DGKG: variants seen among roughly 807,000 people sequenced by gnomAD.
The protein encoded by DGKG is diacylglycerol kinase gamma.
A neutral mutation model predicts 105.3 loss-of-function variants in DGKG; 78 were observed. The observed-to-expected ratio is 0.74, with a 90% CI of 0.62 to 0.89. The LOEUF (loss-of-function observed/expected upper bound fraction) is 0.89. DGKG is among the 40% of genes least tolerant of loss of function. DGKG has a pLI of 0.00. For synonymous variants in DGKG, 346 were observed against 367.1 expected, an observed-to-expected ratio of 0.94 and a Z score of 0.66; for missense variants, 958 against 1,020.1, an observed-to-expected ratio of 0.94 and a Z score of 0.83.
intron 20 of DGKG, among the ~76,000 whole-genome samples, chr3:186,222,355 G>A (rs192055729): frequency 3.3e-5 from 5 of 152,302 alleles, no homozygotes; most frequent in Admixed American, 6.5e-5. Context: ...ACAATGTCTC[G>A]TTTTAGAGAG....
At chr3:186,341,712 C>A (rs1726095722) in intron 1 of DGKG, among the ~76,000 whole-genome samples, 1 of 152,122 alleles carries the variant, frequency 6.6e-6, no homozygotes, top group South Asian at 2.1e-4. Context: ...AAGACACATG[C>A]ACACGTATGT....
At chr3:186,330,075 T>C (rs1281457165) in intron 1 of DGKG, among the ~76,000 whole-genome samples, 1 of 152,172 alleles carries the variant, frequency 6.6e-6, no homozygotes, top group Non-Finnish European at 1.5e-5. Flanking sequence ...TACATGTCCC[T>C]ATAGAGGAGG....
chr3:186,285,123 G>A (rs934802777), intron 6 of DGKG, among the ~76,000 whole-genome samples: 2 of 152,142 alleles, frequency 1.3e-5, no homozygotes, highest in African/African-American at 4.8e-5. Context: ...TGCCACTTCT[G>A]GGGGGTGCCC....
chr3:186,229,986 G>A (rs1014052292), intron 20 of DGKG, among the ~76,000 whole-genome samples: 1 of 152,190 alleles, frequency 6.6e-6, no homozygotes, highest in Non-Finnish European at 1.5e-5. Context: ...TGGGCTGGGC[G>A]CGGTGGCTCA....
At position 186,202,400 on chromosome 3, in the gene DGKG, C is replaced by T. The variant is rs577846182; in HGVS notation, c.1917+9395G>A. Reference sequence around the variant, plus strand: ...AAAACAAAGACATATCCACTATAGCCAACAAGACATATTTGTATATAATAT... The same window carrying T: ...AAAACAAAGACATATCCACTATAGCTAACAAGACATATTTGTATATAATAT... On this transcript the variant is annotated intron_variant, in intron 21 of 24. Transcript: ENST00000265022. Among the ~76,000 whole-genome samples the T allele has an allele frequency of 3.3e-4, 50 of 152,242 alleles. No individual in the cohort carries two copies. The Middle Eastern group carries it at 0.017, about 52-fold the overall frequency.
In DGKG at chr3:186,279,683, C is replaced by T. The variant is rs1578768856; in HGVS notation, c.792+168G>A. 6.1e-5 allele frequency: 37 copies of T among 605,858 alleles called. 1 individual carries two copies. The South Asian group carries it at 8.1e-4, about 13-fold the overall frequency. 37.5% of individuals were successfully genotyped at this position (605,858 alleles called of 1,614,324 possible). On this transcript the variant is annotated intron_variant, in intron 9 of 24. Transcript: ENST00000265022. ...AAATGTCTGTCAAATGAATATACTT[C>T]AGGCACTAATGGATACAAAATAATG...
intron 14 of DGKG, among the ~76,000 whole-genome samples, chr3:186,264,912 C>G (rs960259800): frequency 7.9e-5 from 12 of 152,190 alleles, no homozygotes; most frequent in Non-Finnish European, 1.5e-4. Context: ...GCTTGGCAAT[C>G]TTGAAAAACC....
At chr3:186,301,378 A>T (rs761116426) in intron 3 of DGKG, among the ~76,000 whole-genome samples, 1 of 152,236 alleles carries the variant, frequency 6.6e-6, no homozygotes, top group Non-Finnish European at 1.5e-5. Flanking sequence ...CTGTAATCCC[A>T]GCTCTTTGGG....
chr3:186,357,022 T>G (rs1726998831), intron 1 of DGKG, among the ~76,000 whole-genome samples: 3 of 152,160 alleles, frequency 2.0e-5, no homozygotes, highest in African/African-American at 7.2e-5. Flanking sequence ...CCTGGGCCTC[T>G]GGGAGTGTCC....
chr3:186,299,801 C>CT (rs1157192721), intron 3 of DGKG, among the ~76,000 whole-genome samples: 1 of 92,504 alleles, frequency 1.1e-5, no homozygotes, highest in East Asian at 2.5e-4. Context: ...TTCTTTCTTT[C>CT]TTTCTTTCTT....
In DGKG at chr3:186,161,816, T is replaced by A. The variant is rs80016895; in HGVS notation, c.2217-153A>T. The stretch of plus-strand genomic sequence containing the variant: ...TTTGGAGAACTTGTTAAAAATAGAT[T>A]TCTGAGACCACCTCAGGGAGTCTAA... On this transcript the variant is annotated intron_variant, in intron 23 of 24. Coordinates refer to ENST00000265022, the MANE Select transcript of DGKG (RefSeq NM_001346.3). Among the ~76,000 whole-genome samples the A allele has an allele frequency of 2.1e-3, 316 of 152,310 alleles. 1 individual carries two copies. Among genetic ancestry groups the A allele is most frequent in the African/African-American group, 7.3e-3 (302 of 41,574 alleles).
At chr3:186,328,270 A>G (rs1725441302) in intron 1 of DGKG, among the ~76,000 whole-genome samples, 1 of 152,158 alleles carries the variant, frequency 6.6e-6, no homozygotes, top group Non-Finnish European at 1.5e-5. Flanking sequence ...GTATTTCTCT[A>G]TTGCGGTGGT....
intron 1 of DGKG, among the ~76,000 whole-genome samples, chr3:186,356,002 CG>C (rs1362196902): frequency 1.3e-5 from 2 of 151,966 alleles, no homozygotes; most frequent in African/African-American, 4.8e-5. Context: ...GATTATTGGA[CG>C]GAAGATCAAG....
chr3:186,327,025 A>G (rs962979539), intron 1 of DGKG, among the ~76,000 whole-genome samples: 9 of 152,080 alleles, frequency 5.9e-5, no homozygotes, highest in African/African-American at 2.2e-4. Context: ...TTCACCAGGC[A>G]TGGTGGTGTG....
chr3:186,316,205 A>T (rs4686763), intron 2 of DGKG, among the ~76,000 whole-genome samples: 151,760 of 152,312 alleles, frequency 1, 75,608 homozygotes, highest in Middle Eastern at 1. Flanking sequence ...TCTGCCCAGG[A>T]TCCTGACCCA....
At chr3:186,342,882 A>T (rs1261895450) in intron 1 of DGKG, among the ~76,000 whole-genome samples, 2 of 152,224 alleles carry the variant, frequency 1.3e-5, no homozygotes, top group Non-Finnish European at 2.9e-5. Flanking sequence ...TGGTCCTTTT[A>T]AAAAATGTGC....
intron 24 of DGKG, among the ~76,000 whole-genome samples, chr3:186,152,680 T>G (rs1205157781): frequency 6.6e-6 from 1 of 152,164 alleles, no homozygotes; most frequent in Non-Finnish European, 1.5e-5. Flanking sequence ...TTTTTTATTT[T>G]TGAGACAGAG....
chr3:186,183,349 G>A (rs756672159), intron 22 of DGKG, among the ~76,000 whole-genome samples: 10 of 152,118 alleles, frequency 6.6e-5, no homozygotes, highest in African/African-American at 1.4e-4. Flanking sequence ...CATGGGTTTC[G>A]GGTTAGGATT....
chr3:186,151,291 T>C (rs1205782050), intron 24 of DGKG, among the ~76,000 whole-genome samples: 1 of 152,212 alleles, frequency 6.6e-6, no homozygotes, highest in African/African-American at 2.4e-5. Context: ...AAACAGAACC[T>C]ATGAACTCAT....
Sources: gnomAD v4.1 joint callset for allele counts (sites outside exome capture counted in the v4.1 genomes callset) on GRCh38, gnomAD v4.1.1 for gene constraint, MANE v1.5 for transcripts, NCBI Gene and HGNC (gene_info 2026-07-23, HGNC 2026-07-21) for gene names.